Variants in DIDO1 observed in about 807,000 individuals in gnomAD.
The protein encoded by DIDO1 is death inducer-obliterator 1.
DIDO1 carries 16 observed loss-of-function variants against 99.4 expected under a neutral mutation model. The ratio of observed to expected loss-of-function variants is 0.16; its 90% CI spans 0.11 to 0.24. The LOEUF is 0.24. Among genes scored for constraint, DIDO1 ranks in the 10% least tolerant of loss-of-function variants. DIDO1 has a pLI of 1.00. For missense variants in DIDO1, 2,996 were observed against 3,014.0 expected, an observed-to-expected ratio of 0.99 and a Z score of 0.14; for synonymous variants, 1,366 against 1,239.1, an observed-to-expected ratio of 1.10 and a Z score of -2.15.
chr20:62,896,563 G>A lies in DIDO1; in HGVS notation c.2022C>T (p.Ile674=). Residue 674 remains isoleucine (I), a synonymous_variant, in exon 7 of 16, where the codon ATC becomes ATT. Coordinates refer to ENST00000395343, the MANE Select transcript of DIDO1 (RefSeq NM_001193369.2). The surrounding 1 kb of genome is among the most constrained non-coding windows in gnomAD (Gnocchi z 4.4). ...SQPNSQIRQN[I]RRSLKEILWK... is the part of the protein sequence containing the mutation. ...ACAAAATCTCTTTTAAGGAGCGTCT[G>A]ATATTTTGCCGAATTTGTGAATTTG... The A allele has an allele frequency of 1.3e-6, 2 of 1,595,080 alleles. No homozygotes were observed. Among genetic ancestry groups the A allele is most frequent in the East Asian group, 2.2e-5 (1 of 44,662 alleles).
exon 1 of DIDO1, chr20:62,937,872 C>T (rs1252582771): frequency 2.5e-6 from 1 of 398,458 alleles, no homozygotes; most frequent in Non-Finnish European, 4.4e-6. Context: ...CAGCAGCCAT[C>T]TTGCCAGAGG....
chr20:62,935,541 C>A (rs1227626324), intron 1 of DIDO1, among the ~76,000 whole-genome samples: 1 of 152,150 alleles, frequency 6.6e-6, no homozygotes, highest in African/African-American at 2.4e-5. Context: ...GAGAAAGCCA[C>A]GTCTCTACTG....
intron 2 of DIDO1, among the ~76,000 whole-genome samples, chr20:62,912,206 G>A (rs2064958950): frequency 6.6e-6 from 1 of 152,212 alleles, no homozygotes; most frequent in South Asian, 2.1e-4. Context: ...CTGGGGCCAG[G>A]AAGGATGCTA....
Position 62,911,265 on chromosome 20 carries a change from T to C in DIDO1, c.348A>G (p.Glu116=). Residue 116 remains glutamate, a synonymous_variant, in exon 3 of 16, where the codon GAA becomes GAG. Coordinates refer to ENST00000395343, the MANE Select transcript of DIDO1 (RefSeq NM_001193369.2). This position sits in a 1 kb window ranked among gnomAD's most constrained non-coding sequence, Gnocchi z 7.0. Reference sequence around the variant, plus strand: ...GGCCGCTTCTGGTCTCAGAAGCGCTTTCCACGCTGCCCTCGGAGGCTGTCT... The same window carrying C: ...GGCCGCTTCTGGTCTCAGAAGCGCTCTCCACGCTGCCCTCGGAGGCTGTCT... The part of the protein sequence containing the change: ...DAETASEGSV[E]SASETRSGPQ... 6.2e-7 allele frequency: 1 copy of C among 1,612,972 alleles called. No homozygotes were observed. Among genetic ancestry groups the C allele is most frequent in the Non-Finnish European group, 8.5e-7 (1 of 1,179,996 alleles).
At position 62,893,688 on chromosome 20, in the gene DIDO1, C is replaced by T. The variant is rs760457748; in HGVS notation, c.3079G>A (p.Val1027Ile). The change falls in exon 12 of 16, where the codon GTT becomes ATT. Residue 1027 changes from valine to isoleucine, a missense_variant. Around this residue, in one of 5 missense-constraint regions of DIDO1, gnomAD observed 898 missense variants for 972.7 expected, o/e 0.92. Transcript: ENST00000395343. ...SSSPDPRYLS[V>I]PPSPNISTSE... ...CACCTGATATTTGGTGACGGAGGAA[C>T]TGACAGGTATCTTGGGTCAGGAGAT... 1.4e-5 allele frequency: 23 copies of T among 1,603,584 alleles called. No homozygotes were observed. The South Asian group carries it at 2.3e-4, about 16-fold the overall frequency.
upstream of DIDO1, among the ~76,000 whole-genome samples, chr20:62,930,858 C>T (rs1321146604): frequency 1.3e-5 from 2 of 152,262 alleles, no homozygotes; most frequent in Non-Finnish European, 2.9e-5. Flanking sequence ...GCAAAAGGAA[C>T]TTCTCATGGC....
chr20:62,903,902 G>A (rs1369725676), intron 6 of DIDO1, among the ~76,000 whole-genome samples: 6 of 152,284 alleles, frequency 3.9e-5, no homozygotes, highest in Admixed American at 2.0e-4. Flanking sequence ...ATGGGCAGAA[G>A]AGCAGCCTCC....
intron 1 of DIDO1, among the ~76,000 whole-genome samples, chr20:62,936,589 G>C (rs1030452737): frequency 5.3e-5 from 8 of 151,860 alleles, no homozygotes; most frequent in Admixed American, 4.6e-4. Flanking sequence ...AAATAGGCCG[G>C]GAGCGGTGGC....
At position 62,881,682 on chromosome 20, in the gene DIDO1, G is replaced by A; in HGVS notation, c.4274C>T (p.Ala1425Val). Residue 1425 changes from alanine (A) to valine (V), a missense_variant, in exon 16 of 16, where the codon GCC becomes GTC. Physicochemically the swap from Ala to Val is moderately conservative, Grantham distance 64. Around this residue, in one of 5 missense-constraint regions of DIDO1, gnomAD observed 1,562 missense variants for 1,412.6 expected, o/e 1.11. Coordinates refer to ENST00000395343, the MANE Select transcript of DIDO1 (RefSeq NM_001193369.2). The surrounding 1 kb of genome is among the most constrained non-coding windows in gnomAD (Gnocchi z 8.3). ...GATGGTCTCATCCTCGGGGTCATAG[G>A]CCACCTCTTCCCGCTCGGCTGCAGC... ...EAAAAEREEV[A>V]YDPEDETILE... 5 of 1,612,760 alleles carry A rather than the reference G, an allele frequency of 3.1e-6. No individual in the cohort carries two copies. The highest frequency in any genetic ancestry group is 1.3e-5 in the African/African-American group (1 of 75,014).
At chr20:62,899,257 C>A (rs531155837) in intron 6 of DIDO1, among the ~76,000 whole-genome samples, 1 of 152,338 alleles carries the variant, frequency 6.6e-6, no homozygotes, top group African/African-American at 2.4e-5. Flanking sequence ...GTTTAAAGAA[C>A]TCTAAAAAAG....
intron 1 of DIDO1, among the ~76,000 whole-genome samples, chr20:62,919,482 G>A (rs1031677432): frequency 1.3e-5 from 2 of 152,050 alleles, no homozygotes; most frequent in African/African-American, 2.4e-5. Context: ...GGAGGTTGCA[G>A]TGAGCTGAGA....
intron 1 of DIDO1, among the ~76,000 whole-genome samples, chr20:62,932,913 G>A (rs2065345484): frequency 6.6e-6 from 1 of 152,182 alleles, no homozygotes; most frequent in African/African-American, 2.4e-5. Flanking sequence ...GACACATGGT[G>A]TCAGAATATG....
rs906820317 is a variant in DIDO1 at position 62,910,944 on chromosome 20, C to T, written c.669G>A (p.Gln223=). Residue 223 remains glutamine, a synonymous_variant, in exon 3 of 16, where the codon CAG becomes CAA. Transcript: ENST00000395343. The part of the protein sequence containing the change: ...LPSKQEPEND[Q]GVVSQAGKDD... ...CTTTCCCAGCCTGGGACACAACCCC[C>T]TGATCGTTCTCGGGCTCCTGCTTAC... is the stretch of plus-strand genomic sequence containing the variant. 3.1e-6 allele frequency: 5 copies of T among 1,614,090 alleles called. No homozygotes were observed. The highest frequency in any genetic ancestry group is 4.2e-6 in the Non-Finnish European group (5 of 1,180,042).
intron 13 of DIDO1, among the ~76,000 whole-genome samples, chr20:62,892,524 G>C (rs897559729): frequency 6.6e-6 from 1 of 152,200 alleles, no homozygotes; most frequent in Non-Finnish European, 1.5e-5. Context: ...GTGGCTGTGC[G>C]CACAGCCATG....
At position 62,911,245 on chromosome 20, in the gene DIDO1, C is replaced by T. The variant is rs2073407906; in HGVS notation, c.368G>A (p.Ser123Asn). ...GSVESASETR[S>N]GPQSASTAVK... is the part of the protein sequence containing the mutation. ...AGCTGTGGAAGCAGACTGGGGGCCG[C>T]TTCTGGTCTCAGAAGCGCTTTCCAC... The change falls in exon 3 of 16, where the codon AGC (serine) becomes AAC (asparagine). Residue 123 changes from serine to asparagine, a missense_variant. By Grantham distance (46) the Ser-to-Asn change is conservative. Around this residue, in one of 5 missense-constraint regions of DIDO1, gnomAD observed 388 missense variants for 376.6 expected, o/e 1.03. Transcript: ENST00000395343. This position sits in a 1 kb window ranked among gnomAD's most constrained non-coding sequence, Gnocchi z 7.0. The T allele has an allele frequency of 6.2e-7, 1 of 1,613,260 alleles. No individual in the cohort carries two copies. Among genetic ancestry groups the T allele is most frequent in the African/African-American group, 1.3e-5 (1 of 74,934 alleles).
At chr20:62,921,356 GAC>G in intron 1 of DIDO1, among the ~76,000 whole-genome samples, 1 of 152,352 alleles carries the variant, frequency 6.6e-6, no homozygotes, top group East Asian at 1.9e-4. Flanking sequence ...GGTAACCGCT[GAC>G]ACAGCAGCGC....
Position 62,880,352 on chromosome 20 carries a change from G to A in DIDO1, c.5604C>T (p.Ala1868=). The A allele has an allele frequency of 6.2e-7, 1 of 1,612,844 alleles. No individual in the cohort carries two copies. Among genetic ancestry groups the A allele is most frequent in the Non-Finnish European group, 8.5e-7 (1 of 1,180,004 alleles). The change falls in exon 16 of 16, where the codon GCC becomes GCT. Residue 1868 remains alanine (A), a synonymous_variant. Coordinates refer to ENST00000395343, the MANE Select transcript of DIDO1 (RefSeq NM_001193369.2). The part of the protein sequence containing the change: ...APYNEVTGAP[A]QFEGTEQAPF... ...GGGCTTGCTCTGTCCCTTCAAACTG[G>A]GCGGGGGCGCCCGTCACCTCGTTAT... is the stretch of plus-strand genomic sequence containing the variant.
At chr20:62,926,258 GCCC>G (rs2065252587) in intron 1 of DIDO1, among the ~76,000 whole-genome samples, 178 bp downstream of exon 1, 1 of 26,164 alleles carries the variant, frequency 3.8e-5, no homozygotes, top group African/African-American at 1.1e-3. Context: ...CCGCCCGCTC[GCCC>G]GCCCGCCCGC....
In DIDO1 at chr20:62,911,441, C is replaced by A. The variant is rs150124990; in HGVS notation, c.172G>T (p.Gly58Cys). Residue 58 changes from glycine (G) to cysteine (C), a missense_variant, in exon 3 of 16, where the codon GGC becomes TGC. Gly to Cys is a radical substitution (Grantham distance 159). Around this residue, in one of 5 missense-constraint regions of DIDO1, gnomAD observed 388 missense variants for 376.6 expected, o/e 1.03. Coordinates refer to ENST00000395343, the MANE Select transcript of DIDO1 (RefSeq NM_001193369.2). The surrounding 1 kb of genome is among the most constrained non-coding windows in gnomAD (Gnocchi z 7.0). ...LEPPPPQQQL[G>C]LSLRRSGRQP... ...CTCCCACTGCGCCGCAGGGACAGGC[C>A]CAGCTGCTGCTGTGGGGGTGGCGGC... 9 of 1,612,042 alleles carry A rather than the reference C, an allele frequency of 5.6e-6. No homozygotes were observed. The highest frequency in any genetic ancestry group is 7.6e-6 in the Non-Finnish European group (9 of 1,179,108).
Sources: allele counts gnomAD v4.1 joint callset (sites outside exome capture counted in the v4.1 genomes callset), GRCh38; gene constraint gnomAD v4.1.1; regional missense constraint gnomAD v4.1.1; non-coding constraint Gnocchi (gnomAD v3.1); transcripts MANE v1.5; gene names NCBI Gene and HGNC (gene_info 2026-07-23, HGNC 2026-07-21).